MYCBP2: variants seen among roughly 807,000 people sequenced by gnomAD.
MYCBP2 encodes the protein MYC binding protein 2.
In MYCBP2, 120 loss-of-function variants were observed where a neutral mutation model predicts 525.3. The observed-to-expected ratio is 0.23, with a 90% CI of 0.20 to 0.27. The LOEUF is 0.27. MYCBP2 is among the 10% of genes least tolerant of loss of function. The pLI is 1.00. For missense variants in MYCBP2, 4,149 were observed against 5,657.1 expected, an observed-to-expected ratio of 0.73 and a Z score of 8.55; for synonymous variants, 1,894 against 1,955.8, an observed-to-expected ratio of 0.97 and a Z score of 0.83.
Position 77,121,477 on chromosome 13 carries a change from T to C in MYCBP2, c.8036A>G (p.Gln2679Arg), listed in dbSNP as rs576881533. 5.7e-5 allele frequency: 91 copies of C among 1,583,504 alleles called. 1 individual carries two copies. In the South Asian group the frequency reaches 9.8e-4, roughly 17 times the overall value. ...GCTTGGAGGAGGAGTTTGAGAATTC[T>C]GATCCAGAAGAGCTTGTTCTACAAT... ...RHEDEQALLD[Q>R]NSQTPPPSPF... is the part of the protein sequence containing the mutation. Residue 2679 changes from glutamine (Q) to arginine (R), a missense_variant, in exon 55 of 83, where the codon CAG becomes CGG. Gln to Arg is a conservative substitution (Grantham distance 43, BLOSUM62 1). This residue lies in a region of MYCBP2 where 653 missense variants were observed against 744.7 expected (regional missense o/e 0.88). Transcript: ENST00000544440.
intron 47 of MYCBP2, among the ~76,000 whole-genome samples, chr13:77,148,690 T>C (rs1347356404): frequency 2.6e-5 from 4 of 152,250 alleles, no homozygotes; most frequent in Admixed American, 6.5e-5. Context: ...TCACAAATAA[T>C]CTTCAATTTC....
intron 1 of MYCBP2, among the ~76,000 whole-genome samples, chr13:77,297,057 C>T (rs1343680305): frequency 6.6e-6 from 1 of 152,086 alleles, no homozygotes; most frequent in Admixed American, 6.5e-5. Context: ...GGCTACGGTG[C>T]AAAGGGACTT....
intron 61 of MYCBP2, among the ~76,000 whole-genome samples, chr13:77,088,522 T>C (rs756599864): frequency 6.6e-6 from 1 of 152,138 alleles, no homozygotes; most frequent in Non-Finnish European, 1.5e-5. Flanking sequence ...CCATGATTAC[T>C]CTGTCATTTC....
chr13:77,088,724 C>T (rs1235172517), intron 61 of MYCBP2, 108 bp downstream of exon 61: 17 of 946,416 alleles, frequency 1.8e-5, no homozygotes, highest in Non-Finnish European at 2.7e-5. Flanking sequence ...TGGCTAATGC[C>T]TTTTAATTTC....
intron 52 of MYCBP2, among the ~76,000 whole-genome samples, chr13:77,135,699 T>C (rs1425129574): frequency 1.3e-5 from 2 of 152,222 alleles, no homozygotes; most frequent in African/African-American, 2.4e-5. Flanking sequence ...TAAATCCTTA[T>C]GTCATCTACC....
chr13:77,085,940 C>T (rs2044181606), intron 62 of MYCBP2, among the ~76,000 whole-genome samples: 1 of 152,164 alleles, frequency 6.6e-6, no homozygotes, highest in South Asian at 2.1e-4. Flanking sequence ...GACAATCTCA[C>T]ATTGTAACTG....
chr13:77,175,940 G>T (rs1297916989), intron 36 of MYCBP2, among the ~76,000 whole-genome samples: 1 of 150,456 alleles, frequency 6.6e-6, no homozygotes, highest in East Asian at 2.0e-4. Flanking sequence ...CTGGGCGACA[G>T]AGTGAGACTC....
chr13:77,049,291 C>A (rs529444870), intron 82 of MYCBP2, among the ~76,000 whole-genome samples: 1 of 151,850 alleles, frequency 6.6e-6, no homozygotes, highest in African/African-American at 2.4e-5. Flanking sequence ...CCTGCTACTT[C>A]TATTAAAAAA....
At chr13:77,296,705 T>A (rs746274775) in intron 1 of MYCBP2, 31 bp from the exon 2 acceptor site, 7 of 1,277,904 alleles carry the variant, frequency 5.5e-6, no homozygotes, top group African/African-American at 4.6e-5. Context: ...GGGAAAAAAA[T>A]ATGAATGTTC....
At chr13:77,160,976 A>G (rs2057846385) in intron 44 of MYCBP2, among the ~76,000 whole-genome samples, 1 of 152,202 alleles carries the variant, frequency 6.6e-6, no homozygotes, top group East Asian at 1.9e-4. Context: ...CAAATCTATC[A>G]CATCCTAGGG....
intron 33 of MYCBP2, among the ~76,000 whole-genome samples, chr13:77,180,690 G>A (rs1306578947): frequency 6.6e-6 from 1 of 152,158 alleles, no homozygotes; most frequent in East Asian, 1.9e-4. Flanking sequence ...TGAGATGGGA[G>A]GATCACTTGA....
intron 47 of MYCBP2, among the ~76,000 whole-genome samples, chr13:77,147,942 A>C (rs1715068408): frequency 6.6e-6 from 1 of 152,110 alleles, no homozygotes; most frequent in Admixed American, 6.6e-5. Context: ...TACCTGCTCT[A>C]AACCTAGGCT....
At chr13:77,045,916 A>G (rs1453021513) in intron 82 of MYCBP2, among the ~76,000 whole-genome samples, 1 of 152,180 alleles carries the variant, frequency 6.6e-6, no homozygotes, top group Non-Finnish European at 1.5e-5. Flanking sequence ...TATAAGTAAA[A>G]ACATTTAAGT....
At chr13:77,309,440 T>C (rs939394309) in intron 1 of MYCBP2, among the ~76,000 whole-genome samples, 3 of 152,192 alleles carry the variant, frequency 2.0e-5, no homozygotes, top group African/African-American at 7.2e-5. Context: ...AAAGAGGTTT[T>C]ACCTAAAAAC....
intron 52 of MYCBP2, among the ~76,000 whole-genome samples, chr13:77,136,619 G>A (rs1199253018): frequency 2.0e-5 from 3 of 152,170 alleles, no homozygotes; most frequent in African/African-American, 7.2e-5. Flanking sequence ...GGTCTATACA[G>A]TGGTCTCATT....
intron 3 of MYCBP2, among the ~76,000 whole-genome samples, chr13:77,285,913 G>A (rs921008900): frequency 5.3e-5 from 8 of 151,808 alleles, no homozygotes; most frequent in Non-Finnish European, 1.0e-4. Flanking sequence ...GGAAAGCAAA[G>A]GAAGGAAGGA....
rs1163705478 is a variant in MYCBP2, at chr13:77,233,168, C to T, written c.2725G>A (p.Asp909Asn). Residue 909 changes from aspartate to asparagine, a missense_variant, in exon 18 of 83, where the codon GAC becomes AAC. Transcript: ENST00000544440. ...GAAGACCAAATACCTTTGTGCTTGT[C>T]CCGTTTATGCTTTAGCTGTGCTGGA... is the stretch of plus-strand genomic sequence containing the variant. The part of the protein sequence containing the change: ...SHPAQLKHKR[D>N]KHKDGSGERG... 1 of 1,613,302 alleles carries T rather than the reference C, an allele frequency of 6.2e-7. No homozygotes were observed. The highest frequency in any genetic ancestry group is 8.5e-7 in the Non-Finnish European group (1 of 1,179,604).
At position 77,288,154 on chromosome 13, in the gene MYCBP2, G is replaced by A. The variant is rs375657146; in HGVS notation, c.594+7C>T. On this transcript the variant is annotated splice_region_variant and intron_variant, in intron 3 of 82. Transcript: ENST00000544440. ...CATCTAAATATTAATAGAACTCAGT[G>A]GCTTACCTTTGGAAGCTTGATAGGG... The A allele has an allele frequency of 3.7e-6, 6 of 1,613,414 alleles. No individual in the cohort carries two copies. Among genetic ancestry groups the A allele is most frequent in the Non-Finnish European group, 5.1e-6 (6 of 1,179,694 alleles).
rs772370127 is a variant in MYCBP2, at chr13:77,121,386, G to A, written c.8127C>T (p.Leu2709=). ...TTAAATACCTACCTTTGCTATTTCC[G>A]AGTCCATAATCAAATCCTTGGGCAC... ...SCSAQGFDYG[L]GNSKGDRGNI... is the part of the protein sequence containing the mutation. Residue 2709 remains leucine (L), a synonymous_variant, in exon 55 of 83, where the codon CTC becomes CTT. Transcript: ENST00000544440. 4.0e-5 allele frequency: 62 copies of A among 1,557,430 alleles called. No homozygotes were observed. Among genetic ancestry groups the A allele is most frequent in the Non-Finnish European group, 5.2e-5 (59 of 1,144,638 alleles).
Sources: allele counts gnomAD v4.1 joint callset (sites outside exome capture counted in the v4.1 genomes callset), GRCh38; gene constraint gnomAD v4.1.1; regional missense constraint gnomAD v4.1.1; transcripts MANE v1.5; gene names NCBI Gene and HGNC (gene_info 2026-07-23, HGNC 2026-07-21).